FAM171A2: variants seen among roughly 807,000 people sequenced by gnomAD.
FAM171A2 encodes protein FAM171A2.
In FAM171A2, 13 loss-of-function variants were observed where a neutral mutation model predicts 34.2. That is an observed-to-expected ratio of 0.38 (90% CI 0.25 to 0.60). The LOEUF (loss-of-function observed/expected upper bound fraction) is 0.60. Among genes scored for constraint, FAM171A2 ranks in the 20% least tolerant of loss-of-function variants. The pLI, the probability that FAM171A2 is intolerant of heterozygous loss-of-function variation, is 0.62. For missense variants in FAM171A2, 950 were observed against 1,180.7 expected (o/e 0.80, Z 2.86); for synonymous variants, 475 against 561.2 (o/e 0.85, Z 2.17).
chr17:44,363,208 G>T (rs901168506), intron 1 of FAM171A2, among the ~76,000 whole-genome samples: 1 of 151,936 alleles, frequency 6.6e-6, no homozygotes, highest in African/African-American at 2.4e-5. Context: ...CGCCAGGGTC[G>T]GGAGCGAGCA....
rs763662505 is a variant in FAM171A2 at position 44,356,003 on chromosome 17, G to A, written c.850C>T (p.Pro284Ser). 8 of 1,547,566 alleles carry A rather than the reference G, an allele frequency of 5.2e-6. No individual in the cohort carries two copies. The highest frequency in any genetic ancestry group is 3.9e-5 in the Admixed American group (2 of 50,792). The change falls in exon 6 of 8, where the codon CCC becomes TCC. Residue 284 changes from proline to serine, a missense_variant. Around this residue, in one of 3 missense-constraint regions of FAM171A2, gnomAD observed 752 missense variants for 924.5 expected, o/e 0.81. Coordinates refer to ENST00000293443, the MANE Select transcript of FAM171A2 (RefSeq NM_198475.3). ...GCGGCCACCCAGTACCCCAGCTGGGGGGAGACGAAGGTCCAGTAGAGCTGC... is the reference window on the plus strand; with the variant it reads ...GCGGCCACCCAGTACCCCAGCTGGGAGGAGACGAAGGTCCAGTAGAGCTGC... ...GRQLYWTFVS[P>S]QLGYWVAAMA...
In FAM171A2 at chr17:44,354,008, C is replaced by T; in HGVS notation, c.2206G>A (p.Glu736Lys). The T allele has an allele frequency of 8.3e-7, 1 of 1,208,812 alleles. No homozygotes were observed. Among genetic ancestry groups the T allele is most frequent in the Non-Finnish European group, 1.0e-6 (1 of 973,006 alleles). 74.9% of individuals were successfully genotyped at this position (1,208,812 alleles called of 1,614,324 possible). ...GGAGAGCAGAGGCCCGTGCGGCTCTCGCTGCTGCTGGGCTCCGTGTCCTCG... is the reference window on the plus strand; with the variant it reads ...GGAGAGCAGAGGCCCGTGCGGCTCTTGCTGCTGCTGGGCTCCGTGTCCTCG... The part of the protein sequence containing the change: ...LSEDTEPSSS[E>K]SRTGLCSPED... Residue 736 changes from glutamate to lysine, a missense_variant, in exon 8 of 8, where the codon GAG becomes AAG. Around this residue, in one of 3 missense-constraint regions of FAM171A2, gnomAD observed 191 missense variants for 222.8 expected, o/e 0.86. Coordinates refer to ENST00000293443, the MANE Select transcript of FAM171A2 (RefSeq NM_198475.3). This position sits in a 1 kb window ranked among gnomAD's most constrained non-coding sequence, Gnocchi z 5.8.
In FAM171A2 at chr17:44,359,650, T is replaced by C; in HGVS notation, c.368A>G (p.Tyr123Cys). The change falls in exon 3 of 8, where the codon TAC becomes TGC. Residue 123 changes from tyrosine to cysteine, a missense_variant. Tyr to Cys is a radical substitution (Grantham distance 194, BLOSUM62 -2). Transcript: ENST00000293443. The part of the protein sequence containing the change: ...KLPLYASVSL[Y>C]LLPERPATLI... ...CGTGGCCGGCCGCTCAGGGAGCAGGTAGAGGCTGACAGACGCATACACTGC... is the reference window on the plus strand; with the variant it reads ...CGTGGCCGGCCGCTCAGGGAGCAGGCAGAGGCTGACAGACGCATACACTGC... The C allele has an allele frequency of 6.4e-7, 1 of 1,550,698 alleles. No individual in the cohort carries two copies. Among genetic ancestry groups the C allele is most frequent in the South Asian group, 1.2e-5 (1 of 84,038 alleles).
In FAM171A2 at chr17:44,359,580, G is replaced by T. The variant is rs371047701; in HGVS notation, c.438C>A (p.Pro146=). 5 of 1,551,150 alleles carry T rather than the reference G, an allele frequency of 3.2e-6. No individual in the cohort carries two copies. Among genetic ancestry groups the T allele is most frequent in the Admixed American group, 2.0e-5 (1 of 50,982 alleles). ...EDLVHILLGS[P]GARSQPLVQF... Reference sequence around the variant, plus strand: ...GGCGTGGGTGAGGGGGAGCCTTACCGGGAGAGCCTAGGAGAATGTGCACCA... The same window carrying T: ...GGCGTGGGTGAGGGGGAGCCTTACCTGGAGAGCCTAGGAGAATGTGCACCA... The change falls in exon 3 of 8, where the codon CCC becomes CCA. Residue 146 remains proline (P), a splice_region_variant and synonymous_variant. Coordinates refer to ENST00000293443, the MANE Select transcript of FAM171A2 (RefSeq NM_198475.3).
rs575598100 is a variant in FAM171A2, at chr17:44,361,048, C to G, written c.119-916G>C. Among the ~76,000 whole-genome samples, 4 of 152,326 alleles carry G rather than the reference C, an allele frequency of 2.6e-5. No individual in the cohort carries two copies. The South Asian group carries it at 8.3e-4, about 32-fold the overall frequency. ...AAAGGAGATCTAGGGGGGAGCAACC[C>G]AGGCCCAAGAGAACTATTGTGGAGG... On this transcript the variant is annotated intron_variant, in intron 1 of 7. Transcript: ENST00000293443.
chr17:44,359,465 C>CA, intron 3 of FAM171A2, 114 bp downstream of exon 3: 1 of 827,146 alleles, frequency 1.2e-6, no homozygotes, highest in Non-Finnish European at 2.0e-6. Flanking sequence ...AATTATGGCT[C>CA]AGAGAGGTGA....
rs143393859 is a variant in FAM171A2, at chr17:44,355,257, C to A, written c.1023-66G>T. On this transcript the variant is annotated intron_variant, in intron 7 of 7. Transcript: ENST00000293443. This position sits in a 1 kb window ranked among gnomAD's most constrained non-coding sequence, Gnocchi z 4.1. ...GAGGGCCAAAGTAGGCCCCGAACCCCCTTAGATGCAAGACAAGAGACGAAT... is the reference window on the plus strand; with the variant it reads ...GAGGGCCAAAGTAGGCCCCGAACCCACTTAGATGCAAGACAAGAGACGAAT... 438 of 1,523,862 alleles carry A rather than the reference C, an allele frequency of 2.9e-4. 5 individuals are homozygous for A. The East Asian group carries it at 0.011, about 37-fold the overall frequency. The allele number at this position is 1,523,862 out of a possible 1,614,324, so 94.4% of individuals were successfully genotyped here. A position where few individuals can be genotyped will look rare whatever the true frequency, so the allele number is the denominator to read the frequency against.
chr17:44,355,171 C>T lies in FAM171A2; in HGVS notation c.1043G>A (p.Arg348Lys), dbSNP rs1444819311. The T allele has an allele frequency of 1.3e-6, 2 of 1,550,758 alleles. No individual in the cohort carries two copies. The highest frequency in any genetic ancestry group is 2.4e-5 in the East Asian group (1 of 40,894). ...YYCRRRCLKPRQQHRKLQLSG... is the reference protein window; with the variant it reads ...YYCRRRCLKPKQQHRKLQLSG... Reference sequence around the variant, plus strand: ...GAGCTGCAGCTTGCGGTGCTGTTGCCTCGGCTTCAGGCAGCGCCTCCTGGA... The same window carrying T: ...GAGCTGCAGCTTGCGGTGCTGTTGCTTCGGCTTCAGGCAGCGCCTCCTGGA... The change falls in exon 8 of 8, where the codon AGG becomes AAG. Residue 348 changes from arginine to lysine, a missense_variant. Around this residue, in one of 3 missense-constraint regions of FAM171A2, gnomAD observed 752 missense variants for 924.5 expected, o/e 0.81. Coordinates refer to ENST00000293443, the MANE Select transcript of FAM171A2 (RefSeq NM_198475.3). The surrounding 1 kb of genome is among the most constrained non-coding windows in gnomAD (Gnocchi z 4.1).
intron 3 of FAM171A2, 61 bp downstream of exon 3, chr17:44,359,518 G>A: frequency 1.4e-6 from 2 of 1,388,608 alleles, no homozygotes; most frequent in Middle Eastern, 1.8e-4. Flanking sequence ...GGACAGTGGA[G>A]GTCTCTACAC....
At chr17:44,358,727 T>C (rs925273136) in intron 3 of FAM171A2, among the ~76,000 whole-genome samples, 6 of 151,856 alleles carry the variant, frequency 4.0e-5, no homozygotes, top group Non-Finnish European at 8.8e-5. Context: ...ACTAGCTCCA[T>C]GACAAGGGCT....
rs2048418263 is a variant in FAM171A2 at position 44,355,454 on chromosome 17, G to A, written c.1022+261C>T. Among the ~76,000 whole-genome samples the A allele has an allele frequency of 6.6e-6, 1 of 152,242 alleles. No homozygotes were observed. ...TGTCTATGGGTGTGTCCGGCCTGGA[G>A]TCCTCTGGGAGAGAGAGCTGGGCTG... is the stretch of plus-strand genomic sequence containing the variant. On this transcript the variant is annotated intron_variant, in intron 7 of 7. Coordinates refer to ENST00000293443, the MANE Select transcript of FAM171A2 (RefSeq NM_198475.3). This position sits in a 1 kb window ranked among gnomAD's most constrained non-coding sequence, Gnocchi z 4.1.
rs2048401951 is a variant in FAM171A2 at position 44,353,647 on chromosome 17, CGCGCGA to C, written c.*80_*85del. 1.9e-6 allele frequency: 2 copies of C among 1,053,474 alleles called. No individual in the cohort carries two copies. Among genetic ancestry groups the C allele is most frequent in the African/African-American group, 3.4e-5 (2 of 59,466 alleles). 65.3% of individuals were successfully genotyped at this position (1,053,474 alleles called of 1,614,324 possible). ...CTCTCCGGCCTGGGGCTGGGAGCTA[CGCGCGA>C]GGGCCCCCGCGGGCCCCCGGGGCGC... is the stretch of plus-strand genomic sequence containing the variant. On this transcript the variant is annotated 3_prime_UTR_variant, in exon 8 of 8. Transcript: ENST00000293443.
chr17:44,358,696 C>CCAA (rs974905468), intron 3 of FAM171A2, among the ~76,000 whole-genome samples: 23 of 151,868 alleles, frequency 1.5e-4, no homozygotes, highest in Non-Finnish European at 2.5e-4. Context: ...AAAAAAAAAC[C>CCAA]CAACAACAAC....
In FAM171A2 at chr17:44,355,061, C is replaced by T. The variant is rs2048415791; in HGVS notation, c.1153G>A (p.Ala385Thr). 6.5e-7 allele frequency: 1 copy of T among 1,546,760 alleles called. No homozygotes were observed. Among genetic ancestry groups the T allele is most frequent in the Non-Finnish European group, 8.7e-7 (1 of 1,145,314 alleles). The change falls in exon 8 of 8, where the codon GCC (alanine) becomes ACC (threonine). Residue 385 changes from alanine (A) to threonine (T), a missense_variant. Ala to Thr is a moderately conservative substitution (Grantham distance 58). Coordinates refer to ENST00000293443, the MANE Select transcript of FAM171A2 (RefSeq NM_198475.3). The surrounding 1 kb of genome is among the most constrained non-coding windows in gnomAD (Gnocchi z 4.1). The stretch of plus-strand genomic sequence containing the variant: ...GGAGCCTCGGGGTCCCCCGACGGGG[C>T]GGGTTCCAGGGGTCCCCCACAGATG... ...HLICGGPLEP[A>T]PSGDPEAPPP...
chr17:44,356,702 G>C (rs998834982), intron 3 of FAM171A2, 114 bp from the exon 4 acceptor site: 11 of 1,182,734 alleles, frequency 9.3e-6, no homozygotes, highest in African/African-American at 1.5e-5. Context: ...CACTTTGGAA[G>C]GCCAGGGAGG....
chr17:44,356,384 A>T, intron 4 of FAM171A2, 32 bp from the exon 5 acceptor site: 2 of 1,546,310 alleles, frequency 1.3e-6, no homozygotes, highest in Non-Finnish European at 1.7e-6. Context: ...CTGAGGGCTG[A>T]TCCTGAGCCT....
rs1176315281 is a variant in FAM171A2 at position 44,355,118 on chromosome 17, C to T, written c.1096G>A (p.Asp366Asn). ...LSGPSDGNKR[D>N]QATSMSQLHL... The stretch of plus-strand genomic sequence containing the variant: ...AGCTGGGACATCGAGGTGGCCTGGT[C>T]TCGTTTGTTACCGTCAGAGGGCCCC... Residue 366 changes from aspartate to asparagine, a missense_variant, in exon 8 of 8, where the codon GAC becomes AAC. Transcript: ENST00000293443. This position sits in a 1 kb window ranked among gnomAD's most constrained non-coding sequence, Gnocchi z 4.1. The T allele has an allele frequency of 5.2e-6, 8 of 1,550,914 alleles. 1 individual carries two copies. In the Admixed American group the frequency reaches 1.6e-4, roughly 30 times the overall value.
chr17:44,357,055 G>T (rs1009621804), intron 3 of FAM171A2, among the ~76,000 whole-genome samples: 4 of 152,176 alleles, frequency 2.6e-5, no homozygotes, highest in African/African-American at 4.8e-5. Flanking sequence ...AAAATGTAAT[G>T]ATTTTTTTCT....
chr17:44,359,446 A>C (rs1352716284), intron 3 of FAM171A2, 133 bp downstream of exon 3: 2 of 722,198 alleles, frequency 2.8e-6, no homozygotes, highest in Non-Finnish European at 4.7e-6. Context: ...CACGTCTTAC[A>C]AATGAGCAAA....
Sources: allele counts gnomAD v4.1 joint callset (sites outside exome capture counted in the v4.1 genomes callset), GRCh38; gene constraint gnomAD v4.1.1; regional missense constraint gnomAD v4.1.1; non-coding constraint Gnocchi (gnomAD v3.1); transcripts MANE v1.5; gene names NCBI Gene and HGNC (gene_info 2026-07-23, HGNC 2026-07-21).